KIF25: variants seen among roughly 807,000 people sequenced by gnomAD.
KIF25 encodes the protein kinesin family member 25.
A neutral mutation model predicts 32.9 loss-of-function variants in KIF25; 19 were observed. The ratio of observed to expected loss-of-function variants is 0.58; its 90% CI spans 0.40 to 0.85. The LOEUF (loss-of-function observed/expected upper bound fraction) is 0.85. KIF25 is among the 40% of genes least tolerant of loss of function. The probability of loss-of-function intolerance (pLI) is 0.00; values close to 1 mark genes in which losing one functional copy is unlikely to be tolerated. For missense variants in KIF25, 485 were observed against 507.0 expected (o/e 0.96, Z 0.42); for synonymous variants, 225 against 213.7 (o/e 1.05, Z -0.46).
At chr6:168,017,066 C>T (rs1180468816) in intron 4 of KIF25, among the ~76,000 whole-genome samples, 1 of 152,264 alleles carries the variant, frequency 6.6e-6, no homozygotes, top group Non-Finnish European at 1.5e-5. Context: ...AATAGTCCGG[C>T]AGCTGCCCAC....
At chr6:168,044,070 A>G (rs912868731) in intron 12 of KIF25, among the ~76,000 whole-genome samples, 1 of 152,192 alleles carries the variant, frequency 6.6e-6, no homozygotes, top group African/African-American at 2.4e-5. Flanking sequence ...GGCTGACTTC[A>G]TACCTCCCAA....
At chr6:168,042,220 G>A (rs970644404) in intron 11 of KIF25, 69 bp downstream of exon 11, 4 of 1,449,698 alleles carry the variant, frequency 2.8e-6, no homozygotes, top group Admixed American at 2.2e-5. Flanking sequence ...GGAGCTGGAT[G>A]TGCAACCAGG....
rs781371881 is a variant in KIF25, at chr6:168,041,987, C to T, written c.665C>T (p.Ala222Val). ...CTTGCAGCAGACCAAGCCTGCAGTGCCACCCTCCCCAGGGAGCAAACAGAG... is the reference window on the plus strand; with the variant it reads ...CTTGCAGCAGACCAAGCCTGCAGTGTCACCCTCCCCAGGGAGCAAACAGAG... ...SDSTADQACS[A>V]TLPREQTEAG... Residue 222 changes from alanine to valine, a missense_variant, in exon 11 of 13, where the codon GCC (alanine) becomes GTC (valine). Around this residue, in one of 2 missense-constraint regions of KIF25, gnomAD observed 480 missense variants for 470.3 expected, o/e 1.02. Transcript: ENST00000643607. 5.2e-6 allele frequency: 8 copies of T among 1,551,800 alleles called. No homozygotes were observed. The highest frequency in any genetic ancestry group is 5.2e-6 in the Non-Finnish European group (6 of 1,147,204).
intron 5 of KIF25, among the ~76,000 whole-genome samples, chr6:168,025,944 G>A (rs759192396): frequency 5.9e-5 from 9 of 152,242 alleles, no homozygotes; most frequent in Non-Finnish European, 1.2e-4. Flanking sequence ...AGTGGCTAGA[G>A]CTTGAGCTGG....
intron 2 of KIF25, 133 bp downstream of exon 2, chr6:167,999,453 GCT>G (rs1798467113): frequency 6.6e-6 from 1 of 152,304 alleles, no homozygotes; most frequent in South Asian, 2.1e-4. Flanking sequence ...GTGGGTGGGG[GCT>G]CTGTTTAAGG....
intron 5 of KIF25, among the ~76,000 whole-genome samples, chr6:168,025,053 A>C (rs1360336438): frequency 6.6e-6 from 1 of 152,216 alleles, no homozygotes; most frequent in Non-Finnish European, 1.5e-5. Context: ...TCTGTCTTCA[A>C]AAAAACGAAA....
At chr6:168,043,604 T>C (rs986865280) in intron 12 of KIF25, among the ~76,000 whole-genome samples, 10 of 152,338 alleles carry the variant, frequency 6.6e-5, no homozygotes, top group African/African-American at 1.4e-4. Flanking sequence ...TTTTGGATTC[T>C]GCCTTTAAGA....
chr6:168,022,027 G>A (rs1583134360), intron 5 of KIF25, among the ~76,000 whole-genome samples: 1 of 152,112 alleles, frequency 6.6e-6, no homozygotes, highest in East Asian at 1.9e-4. Flanking sequence ...TACTGCTTGG[G>A]ACTTTTAATC....
chr6:168,015,316 G>A (rs1798699204), intron 4 of KIF25, among the ~76,000 whole-genome samples: 1 of 152,182 alleles, frequency 6.6e-6, no homozygotes, highest in Non-Finnish European at 1.5e-5. Flanking sequence ...TGGAGAGGGT[G>A]AATTCAATGT....
chr6:168,013,403 T>C (rs1403767004), intron 4 of KIF25, among the ~76,000 whole-genome samples: 1 of 151,818 alleles, frequency 6.6e-6, no homozygotes, highest in Non-Finnish European at 1.5e-5. Context: ...CAGCCACCCG[T>C]GTAGGCTTGG....
At chr6:168,005,456 C>T (rs886490087) in intron 4 of KIF25, among the ~76,000 whole-genome samples, 4 of 152,278 alleles carry the variant, frequency 2.6e-5, no homozygotes, top group African/African-American at 4.8e-5. Flanking sequence ...AGAGGGAAGG[C>T]GAGGGCTGTG....
At chr6:168,004,629 T>A (rs554783713) in intron 4 of KIF25, among the ~76,000 whole-genome samples, 1 of 152,150 alleles carries the variant, frequency 6.6e-6, no homozygotes, top group Non-Finnish European at 1.5e-5. Context: ...AAATGGTGAC[T>A]CTAGGCCCTC....
At position 168,043,751 on chromosome 6, in the gene KIF25, G is replaced by C. The variant is rs562725565; in HGVS notation, c.985+1035G>C. Among the ~76,000 whole-genome samples, 9 of 152,338 alleles carry C rather than the reference G, an allele frequency of 5.9e-5. No individual in the cohort carries two copies. In the Middle Eastern group the frequency reaches 0.01, roughly 173 times the overall value. ...GCACACAGTACCTGAGAGCCAGCAG[G>C]TCCCTCATGGAGCCCTGGCCTTGGC... On this transcript the variant is annotated intron_variant, in intron 12 of 12. Coordinates refer to ENST00000643607, the MANE Select transcript of KIF25 (RefSeq NM_030615.4).
At chr6:168,044,674 G>A (rs532223609) in intron 12 of KIF25, among the ~76,000 whole-genome samples, 153 bp from the exon 13 acceptor site, 7 of 152,362 alleles carry the variant, frequency 4.6e-5, no homozygotes, top group South Asian at 2.1e-4. Context: ...CTGGACCCCC[G>A]TCCCAGGAAC....
At chr6:168,042,820 C>A in intron 12 of KIF25, 104 bp downstream of exon 12, 1 of 1,322,110 alleles carries the variant, frequency 7.6e-7, no homozygotes, top group Admixed American at 2.1e-5. Context: ...CATGCACCCC[C>A]TGCACCTCCT....
At chr6:168,016,224 A>G in intron 4 of KIF25, among the ~76,000 whole-genome samples, 1 of 152,208 alleles carries the variant, frequency 6.6e-6, no homozygotes, top group African/African-American at 2.4e-5. Flanking sequence ...TTGAGCGTGA[A>G]GGGAACTGAA....
chr6:168,001,949 C>T (rs1166409697), intron 2 of KIF25, among the ~76,000 whole-genome samples: 2 of 108,094 alleles, frequency 1.9e-5, no homozygotes, highest in African/African-American at 6.9e-5. Flanking sequence ...ACACCTGAGG[C>T]GTGGCCGCGG....
chr6:168,016,464 T>C (rs775370651), intron 4 of KIF25, among the ~76,000 whole-genome samples: 11 of 152,202 alleles, frequency 7.2e-5, no homozygotes, highest in Admixed American at 2.0e-4. Flanking sequence ...CCTCCCGGCA[T>C]TGCCAGAGTC....
intron 2 of KIF25, among the ~76,000 whole-genome samples, chr6:168,000,346 G>A (rs866328427): frequency 1.7e-4 from 16 of 96,246 alleles, no homozygotes; most frequent in Middle Eastern, 7.5e-3. Flanking sequence ...GACCACACCT[G>A]GCCCTCCCCA....
Sources: allele counts gnomAD v4.1 joint callset (sites outside exome capture counted in the v4.1 genomes callset), GRCh38; gene constraint gnomAD v4.1.1; regional missense constraint gnomAD v4.1.1; transcripts MANE v1.5; gene names NCBI Gene and HGNC (gene_info 2026-07-23, HGNC 2026-07-21).